The following RPAP1 variants were observed in gnomAD, a reference collection of about 807,000 sequenced individuals.
RPAP1 encodes the protein RNA polymerase II associated protein 1, also known as RNA polymerase II-associated protein 1.
RPAP1 carries 109 observed loss-of-function variants against 142.4 expected under a neutral mutation model. The ratio of observed to expected loss-of-function variants is 0.77; its 90% CI spans 0.66 to 0.90. RPAP1 has a LOEUF of 0.90. RPAP1 is among the 40% of genes least tolerant of loss of function. The probability of loss-of-function intolerance (pLI) is 0.00; values close to 1 mark genes in which losing one functional copy is unlikely to be tolerated. For missense variants in RPAP1, 1,546 were observed against 1,751.7 expected (o/e 0.88, Z 2.10); for synonymous variants, 704 against 738.9 (o/e 0.95, Z 0.77).
At position 41,523,475 on chromosome 15, in the gene RPAP1, G is replaced by A. The variant is rs966408974; in HGVS notation, c.2437-121C>T. 3 of 696,852 alleles carry A rather than the reference G, an allele frequency of 4.3e-6. No homozygotes were observed. In the Admixed American group the frequency reaches 8.7e-5, roughly 20 times the overall value. The allele number at this position is 696,852 out of a possible 1,614,324, so 43.2% of individuals were successfully genotyped here. On this transcript the variant is annotated intron_variant, in intron 17 of 24. Coordinates refer to ENST00000304330, the MANE Select transcript of RPAP1 (RefSeq NM_015540.4). ...AAGAGCACATTTGGAGGCTTCTGCA[G>A]GCTGAGCCTTCTGAAGGGAGAGAAG...
In RPAP1 at chr15:41,525,160, C is replaced by T. The variant is rs903900592; in HGVS notation, c.1918-12G>A. The T allele has an allele frequency of 8.1e-6, 13 of 1,599,594 alleles. No homozygotes were observed. Among genetic ancestry groups the T allele is most frequent in the Middle Eastern group, 1.7e-4 (1 of 5,982 alleles). On this transcript the variant is annotated splice_polypyrimidine_tract_variant and intron_variant, in intron 14 of 24. Transcript: ENST00000304330. ...TCAAAGCTGCTCAACTGGAAATGGG[C>T]ACAGTCTGAGGATCAGGGTCAGCTG...
rs113055462 is a variant in RPAP1, at chr15:41,523,094, C to G, written c.2547-134G>C. The G allele has an allele frequency of 1.5e-4, 141 of 922,718 alleles. No homozygotes were observed. The African/African-American group carries it at 2.2e-3, about 14-fold the overall frequency. The allele number at this position is 922,718 out of a possible 1,614,324, so 57.2% of individuals were successfully genotyped here. A position where few individuals can be genotyped will look rare whatever the true frequency, so the allele number is the denominator to read the frequency against. ...TCAGTGCTGCTCACACTCCTCAGAGCCCACCCCACTGCTGCCTGCTAGGGA... is the reference window on the plus strand; with the variant it reads ...TCAGTGCTGCTCACACTCCTCAGAGGCCACCCCACTGCTGCCTGCTAGGGA... On this transcript the variant is annotated intron_variant, in intron 18 of 24. Transcript: ENST00000304330.
rs865874262 is a variant in RPAP1 at position 41,536,150 on chromosome 15, G to A, written c.399C>T (p.Phe133=). 6.2e-7 allele frequency: 1 copy of A among 1,614,058 alleles called. No individual in the cohort carries two copies. Among genetic ancestry groups the A allele is most frequent in the Non-Finnish European group, 8.5e-7 (1 of 1,179,984 alleles). Residue 133 remains phenylalanine (F), a synonymous_variant, in exon 4 of 25, where the codon TTC becomes TTT. Transcript: ENST00000304330. ...VPSGVAFPAV[F]LRSRDTQGKS... ...CTACCTGTGTGTCCCGCGAGCGAAG[G>A]AACACAGCAGGGAAAGCAACACCAC...
At chr15:41,521,619 A>G in intron 21 of RPAP1, 119 bp downstream of exon 21, 1 of 1,117,270 alleles carries the variant, frequency 9.0e-7, no homozygotes, top group Non-Finnish European at 1.3e-6. Flanking sequence ...GGAAGAGTTA[A>G]GTGTCGTCGG....
intron 4 of RPAP1, 60 bp from the exon 5 acceptor site, chr15:41,535,692 C>A: frequency 6.3e-7 from 1 of 1,582,780 alleles, no homozygotes; most frequent in Non-Finnish European, 8.6e-7. Context: ...TCCTCTCAAC[C>A]TCTTTATATC....
chr15:41,536,207 T>C lies in RPAP1; in HGVS notation c.342A>G (p.Thr114=). The C allele has an allele frequency of 6.2e-7, 1 of 1,614,040 alleles. No individual in the cohort carries two copies. The highest frequency in any genetic ancestry group is 1.1e-5 in the South Asian group (1 of 91,074). The change falls in exon 4 of 25, where the codon ACA becomes ACG. Residue 114 remains threonine (T), a synonymous_variant. Transcript: ENST00000304330. The stretch of plus-strand genomic sequence containing the variant: ...CAGGCAGATTCACGGCCACTGAACT[T>C]GTATCTCGTTCCTGTAGCAACAAAG... ...AVLTKIIERD[T]SSVAVNLPVP... is the part of the protein sequence containing the mutation.
At chr15:41,517,891 C>T (rs767971803) in intron 23 of RPAP1, 34 bp from the exon 24 acceptor site, 14 of 1,613,918 alleles carry the variant, frequency 8.7e-6, no homozygotes, top group Middle Eastern at 3.3e-4. Flanking sequence ...GGCACTGAGC[C>T]GAGGGCTGGT....
At chr15:41,539,291 G>A (rs866258918) in intron 1 of RPAP1, among the ~76,000 whole-genome samples, 1 of 145,716 alleles carries the variant, frequency 6.9e-6, no homozygotes, top group Admixed American at 6.8e-5. Context: ...TTTTTTTTTT[G>A]TTTTTTGTTT....
At chr15:41,518,758 G>A (rs955432810) in intron 22 of RPAP1, among the ~76,000 whole-genome samples, 3 of 151,830 alleles carry the variant, frequency 2.0e-5, no homozygotes, top group Admixed American at 6.6e-5. Context: ...CAGGAGAATC[G>A]CTTGAACCTG....
At chr15:41,536,074 C>A (rs1466612984) in intron 4 of RPAP1, 55 bp downstream of exon 4, 15 of 1,336,494 alleles carry the variant, frequency 1.1e-5, no homozygotes, top group Admixed American at 1.7e-5. Context: ...AGAAGATGCA[C>A]TATGAGACTC....
At chr15:41,536,815 G>T in intron 2 of RPAP1, 130 bp downstream of exon 2, 1 of 1,378,434 alleles carries the variant, frequency 7.3e-7, no homozygotes, top group Non-Finnish European at 9.9e-7. Context: ...GTAAAATGGG[G>T]CTGCAGAAAC....
In RPAP1 at chr15:41,537,016, T is replaced by C. The variant is rs2051917825; in HGVS notation, c.110A>G (p.Asn37Ser). 2 of 1,614,118 alleles carry C rather than the reference T, an allele frequency of 1.2e-6. No homozygotes were observed. Among genetic ancestry groups the C allele is most frequent in the East Asian group, 4.5e-5 (2 of 44,872 alleles). The change falls in exon 2 of 25, where the codon AAT (asparagine) becomes AGT (serine). Residue 37 changes from asparagine (N) to serine (S), a missense_variant. By Grantham distance (46) the Asn-to-Ser change is conservative (BLOSUM62 1). Transcript: ENST00000304330. ...TGAGTTGGCATCACCACCGCCCCTATTTCCTTTCTTCACCAACTGCACTGC... is the reference window on the plus strand; with the variant it reads ...TGAGTTGGCATCACCACCGCCCCTACTTCCTTTCTTCACCAACTGCACTGC... Reference protein sequence around the residue: ...APAVQLVKKGNRGGGDANSDR... With the variant: ...APAVQLVKKGSRGGGDANSDR...
At chr15:41,524,325 T>C in intron 15 of RPAP1, 71 bp from the exon 16 acceptor site, 1 of 1,364,674 alleles carries the variant, frequency 7.3e-7, no homozygotes, top group South Asian at 1.6e-5. Context: ...GTCATGGCCC[T>C]GACCCAGGGA....
chr15:41,527,104 G>A (rs1360643936), intron 13 of RPAP1, 36 bp from the exon 14 acceptor site: 6 of 1,612,266 alleles, frequency 3.7e-6, no homozygotes, highest in Non-Finnish European at 5.1e-6. Flanking sequence ...AGGAAGGGAG[G>A]CTGTGGGTCA....
Position 41,520,093 on chromosome 15 carries a change from C to T in RPAP1, c.3795+298G>A, listed in dbSNP as rs2051708274. The T allele has an allele frequency of 1.2e-4, 40 of 343,892 alleles. No individual in the cohort carries two copies. In the South Asian group the frequency reaches 1.2e-3, roughly 10 times the overall value. 21.3% of individuals were successfully genotyped at this position (343,892 alleles called of 1,614,324 possible). ...GGACTACAGGCACCCGCAACCACGCCCAGCTAAGTTTTGTATTTTTAGTAG... is the reference window on the plus strand; with the variant it reads ...GGACTACAGGCACCCGCAACCACGCTCAGCTAAGTTTTGTATTTTTAGTAG... On this transcript the variant is annotated intron_variant, in intron 22 of 24. Coordinates refer to ENST00000304330, the MANE Select transcript of RPAP1 (RefSeq NM_015540.4).
chr15:41,517,501 T>A lies in RPAP1; in HGVS notation c.*41A>T. ...GCCAGACATCTGTTGAAAGGCTGGATACAGGACAACGTACCCATCTTTCCA... is the reference window on the plus strand; with the variant it reads ...GCCAGACATCTGTTGAAAGGCTGGAAACAGGACAACGTACCCATCTTTCCA... On this transcript the variant is annotated 3_prime_UTR_variant, in exon 25 of 25. Coordinates refer to ENST00000304330, the MANE Select transcript of RPAP1 (RefSeq NM_015540.4). 6.7e-7 allele frequency: 1 copy of A among 1,498,894 alleles called. No homozygotes were observed. The highest frequency in any genetic ancestry group is 9.0e-7 in the Non-Finnish European group (1 of 1,116,350). The allele number at this position is 1,498,894 out of a possible 1,614,324, so 92.8% of individuals were successfully genotyped here.
chr15:41,540,028 G>A (rs1415753923), intron 1 of RPAP1, among the ~76,000 whole-genome samples: 3 of 151,762 alleles, frequency 2.0e-5, no homozygotes, highest in Non-Finnish European at 4.4e-5. Context: ...GTGAGACTCC[G>A]TCTCAAAAAA....
Position 41,518,074 on chromosome 15 carries a change from G to A in RPAP1, c.3904C>T (p.Pro1302Ser), listed in dbSNP as rs2051684134. The A allele has an allele frequency of 2.5e-6, 4 of 1,612,556 alleles. No individual in the cohort carries two copies. Among genetic ancestry groups the A allele is most frequent in the Non-Finnish European group, 3.4e-6 (4 of 1,179,598 alleles). Residue 1302 changes from proline (P) to serine (S), a missense_variant, in exon 23 of 25, where the codon CCC becomes TCC. Pro to Ser is a moderately conservative substitution (Grantham distance 74). Around this residue, in one of 3 missense-constraint regions of RPAP1, gnomAD observed 210 missense variants for 248.0 expected, o/e 0.85. Transcript: ENST00000304330. ...VTGALRPRWCPVLYAVAVAHV... is the reference protein window; with the variant it reads ...VTGALRPRWCSVLYAVAVAHV... ...GCCACAGCCACAGCATAGAGCACGG[G>A]GCACCAACGTGGGCGGAGCGCACCA...
chr15:41,538,470 C>T (rs1346112930), intron 1 of RPAP1, among the ~76,000 whole-genome samples: 1 of 152,022 alleles, frequency 6.6e-6, no homozygotes, highest in African/African-American at 2.4e-5. Context: ...TCTCTGTCTG[C>T]TCAACCTTGA....
Sources: allele counts gnomAD v4.1 joint callset (sites outside exome capture counted in the v4.1 genomes callset), GRCh38; gene constraint gnomAD v4.1.1; regional missense constraint gnomAD v4.1.1; transcripts MANE v1.5; gene names NCBI Gene and HGNC (gene_info 2026-07-23, HGNC 2026-07-21).